Variants in MAGI2 observed in about 807,000 individuals in gnomAD.
MAGI2 encodes the protein membrane associated guanylate kinase, WW and PDZ domain containing 2.
MAGI2 carries 35 observed loss-of-function variants against 133.3 expected under a neutral mutation model. That is an observed-to-expected ratio of 0.26 (90% confidence interval 0.20 to 0.35). The LOEUF (loss-of-function observed/expected upper bound fraction) is 0.35. Among genes scored for constraint, MAGI2 ranks in the 10% least tolerant of loss-of-function variants. The pLI is 1.00. For synonymous variants in MAGI2, 729 were observed against 710.6 expected (o/e 1.03, Z -0.41); for missense variants, 1,636 against 1,863.4 (o/e 0.88, Z 2.25).
chr7:78,715,850 A>ATTTG (rs376221798), intron 2 of MAGI2, among the ~76,000 whole-genome samples: 1 of 151,276 alleles, frequency 6.6e-6, no homozygotes, highest in African/African-American at 2.4e-5. Context: ...AATACAAAAT[A>ATTTG]TAAGTCCTAC....
At chr7:78,800,532 G>A (rs1787977644) in intron 2 of MAGI2, among the ~76,000 whole-genome samples, 1 of 152,088 alleles carries the variant, frequency 6.6e-6, no homozygotes, top group Non-Finnish European at 1.5e-5. Context: ...CTTATAACTA[G>A]CAATGTCTCA....
At chr7:79,447,261 G>C (rs1848919428) in intron 1 of MAGI2, among the ~76,000 whole-genome samples, 1 of 151,962 alleles carries the variant, frequency 6.6e-6, no homozygotes, top group South Asian at 2.1e-4. Context: ...TGTAAATTCA[G>C]CAATTATTAT....
chr7:79,314,512 C>T (rs1158223074), intron 1 of MAGI2, among the ~76,000 whole-genome samples: 1 of 152,126 alleles, frequency 6.6e-6, no homozygotes, highest in African/African-American at 2.4e-5. Context: ...CGCATTAAGC[C>T]CTGTAGAGTC....
At chr7:79,084,703 A>C (rs1816331758) in intron 1 of MAGI2, among the ~76,000 whole-genome samples, 1 of 151,826 alleles carries the variant, frequency 6.6e-6, no homozygotes, top group South Asian at 2.1e-4. Context: ...CTGATCTTCT[A>C]CTAAGTTATG....
At chr7:78,571,622 C>T (rs572301879) in intron 3 of MAGI2, among the ~76,000 whole-genome samples, 9 of 151,996 alleles carry the variant, frequency 5.9e-5, no homozygotes, top group African/African-American at 2.2e-4. Flanking sequence ...AGACAACTGA[C>T]ATTCAACAGA....
chr7:79,041,313 T>A (rs190948910), intron 1 of MAGI2, among the ~76,000 whole-genome samples: 1 of 152,160 alleles, frequency 6.6e-6, no homozygotes, highest in African/African-American at 2.4e-5. Flanking sequence ...GAAATATGTA[T>A]AAAAATACTA....
intron 1 of MAGI2, among the ~76,000 whole-genome samples, chr7:79,223,800 T>C (rs554437158): frequency 6.6e-6 from 1 of 152,182 alleles, no homozygotes; most frequent in Non-Finnish European, 1.5e-5. Flanking sequence ...TCTATTCTTC[T>C]CATTACAGCA....
At chr7:78,265,715 C>A (rs1041145044) in intron 9 of MAGI2, among the ~76,000 whole-genome samples, 9 of 152,196 alleles carry the variant, frequency 5.9e-5, no homozygotes, top group African/African-American at 2.2e-4. Context: ...ACAAAAATAC[C>A]TTGCAGGAAA....
chr7:78,744,601 C>A (rs1490266970), intron 2 of MAGI2, among the ~76,000 whole-genome samples: 1 of 152,108 alleles, frequency 6.6e-6, no homozygotes, highest in Non-Finnish European at 1.5e-5. Context: ...CTGCTGGGAA[C>A]TTTGCATGAG....
At chr7:79,366,937 A>G (rs1585723319) in intron 1 of MAGI2, among the ~76,000 whole-genome samples, 1 of 152,276 alleles carries the variant, frequency 6.6e-6, no homozygotes, top group East Asian at 1.9e-4. Flanking sequence ...AGTTCACAAA[A>G]CTGCATTTTA....
chr7:78,141,007 T>C, intron 16 of MAGI2, among the ~76,000 whole-genome samples: 1 of 151,946 alleles, frequency 6.6e-6, no homozygotes, highest in Non-Finnish European at 1.5e-5. Flanking sequence ...GAGAGAATGG[T>C]GAGGAACGGG....
At chr7:78,443,085 C>A (rs114864154) in intron 6 of MAGI2, among the ~76,000 whole-genome samples, 1 of 123,906 alleles carries the variant, frequency 8.1e-6, no homozygotes, top group South Asian at 3.0e-4. Flanking sequence ...TGGCCCTGTG[C>A]GTCCCTTCTT....
intron 1 of MAGI2, among the ~76,000 whole-genome samples, chr7:79,322,615 T>C (rs34059048): frequency 0.57 from 86,924 of 151,498 alleles, 27,015 homozygotes; most frequent in Non-Finnish European, 0.69. Context: ...GTGAAACCCG[T>C]CTCTACTAAA....
At chr7:78,753,755 C>T (rs1405394239) in intron 2 of MAGI2, among the ~76,000 whole-genome samples, 1 of 151,264 alleles carries the variant, frequency 6.6e-6, no homozygotes, top group Non-Finnish European at 1.5e-5. Flanking sequence ...AATTCAATCT[C>T]AACTTTTTGA....
chr7:78,639,138 G>A (rs1377590847), intron 2 of MAGI2, among the ~76,000 whole-genome samples: 1 of 152,088 alleles, frequency 6.6e-6, no homozygotes, highest in East Asian at 1.9e-4. Context: ...TTAGAATCTT[G>A]CAATGACATT....
At chr7:78,871,150 A>G (rs1447482696) in intron 2 of MAGI2, among the ~76,000 whole-genome samples, 1 of 152,056 alleles carries the variant, frequency 6.6e-6, no homozygotes, top group African/African-American at 2.4e-5. Context: ...CGCTATCGAA[A>G]ATACAGAAAA....
intron 20 of MAGI2, among the ~76,000 whole-genome samples, chr7:78,087,851 A>C (rs1448030226): frequency 6.6e-6 from 1 of 152,232 alleles, no homozygotes; most frequent in East Asian, 1.9e-4. Context: ...TTTTAAAGAC[A>C]AGCTGGTTGG....
At chr7:79,151,565 A>G (rs975164329) in intron 1 of MAGI2, among the ~76,000 whole-genome samples, 2 of 152,146 alleles carry the variant, frequency 1.3e-5, no homozygotes, top group Admixed American at 1.3e-4. Context: ...TATCAAGTAT[A>G]GTGTGACTGA....
At chr7:78,623,485 G>A (rs148772385) in intron 3 of MAGI2, among the ~76,000 whole-genome samples, 2 of 151,886 alleles carry the variant, frequency 1.3e-5, no homozygotes, top group East Asian at 3.9e-4. Flanking sequence ...TTTATATTAT[G>A]AACACAACTT....
Sources: allele counts gnomAD v4.1 joint callset (sites outside exome capture counted in the v4.1 genomes callset), GRCh38; gene constraint gnomAD v4.1.1; transcripts MANE v1.5; gene names NCBI Gene and HGNC (gene_info 2026-07-23, HGNC 2026-07-21).